TRIOBP: variants seen among roughly 807,000 people sequenced by gnomAD.
TRIOBP encodes the protein TRIO and F-actin-binding protein.
A neutral mutation model predicts 238.8 loss-of-function variants in TRIOBP; 169 were observed. The observed-to-expected ratio is 0.71, with a 90% CI of 0.62 to 0.80. The LOEUF is 0.80. Ranked by LOEUF, TRIOBP falls within the 30% of genes least tolerant of loss-of-function variation. The pLI is 0.00. For synonymous variants in TRIOBP, 1,150 were observed against 1,274.4 expected (o/e 0.90, Z 2.08); for missense variants, 2,838 against 3,122.6 (o/e 0.91, Z 2.17).
In TRIOBP at chr22:37,726,484, C is replaced by G; in HGVS notation, c.3928C>G (p.Leu1310Val). 6.5e-7 allele frequency: 1 copy of G among 1,532,608 alleles called. No homozygotes were observed. Among genetic ancestry groups the G allele is most frequent in the Non-Finnish European group, 8.7e-7 (1 of 1,145,414 alleles). 94.9% of individuals were successfully genotyped at this position (1,532,608 alleles called of 1,614,324 possible). The change falls in exon 7 of 24, where the codon CTC becomes GTC. Residue 1310 changes from leucine (L) to valine (V), a missense_variant. Leu to Val is a conservative substitution (Grantham distance 32). Coordinates refer to ENST00000644935, the MANE Select transcript of TRIOBP (RefSeq NM_001039141.3). ...HSPGRAEVER[L>V]FGQERRKSEA... ...CCCTGGCCGTGCAGAGGTGGAGCGC[C>G]TCTTCGGGCAAGAGCGCAGGTGAGC...
intron 10 of TRIOBP, among the ~76,000 whole-genome samples, chr22:37,739,542 C>G (rs994482997): frequency 1.1e-4 from 16 of 152,182 alleles, no homozygotes; most frequent in Non-Finnish European, 1.5e-5. Flanking sequence ...CCAGGTTATA[C>G]AGTCAGTGGC....
chr22:37,740,314 G>A (rs1190387345), intron 10 of TRIOBP, among the ~76,000 whole-genome samples: 1 of 152,210 alleles, frequency 6.6e-6, no homozygotes, highest in African/African-American at 2.4e-5. Context: ...TCCAAAGAGG[G>A]AGCATTTGGG....
At chr22:37,714,869 A>T (rs75608666) in intron 5 of TRIOBP, among the ~76,000 whole-genome samples, 1,803 of 152,020 alleles carry the variant, frequency 0.012, 36 homozygotes, top group African/African-American at 0.042. Flanking sequence ...TTTTGTAGAG[A>T]CAGGGTCTCA....
chr22:37,710,082 G>A (rs4821689), intron 3 of TRIOBP, among the ~76,000 whole-genome samples: 146,056 of 152,264 alleles, frequency 0.96, 70,071 homozygotes, highest in East Asian at 1. Flanking sequence ...TCATGCAAAC[G>A]TACAGATCGG....
rs772850046 is a variant in TRIOBP at position 37,710,510 on chromosome 22, C to T, written c.198C>T (p.Ala66=). The change falls in exon 4 of 24, where the codon GCC becomes GCT. Residue 66 remains alanine (A), a synonymous_variant. Coordinates refer to ENST00000644935, the MANE Select transcript of TRIOBP (RefSeq NM_001039141.3). The part of the protein sequence containing the change: ...CPPAPEDPLS[A]STSGCQSVVD... ...CTGCCCCTGAGGACCCACTCAGCGC[C>T]TCAACCTCCGGCTGCCAGTCTGTGG... The T allele has an allele frequency of 2.5e-6, 4 of 1,612,328 alleles. No individual in the cohort carries two copies. In the South Asian group the frequency reaches 3.3e-5, roughly 13 times the overall value.
Position 37,723,421 on chromosome 22 carries a change from A to G in TRIOBP, c.865A>G (p.Thr289Ala), listed in dbSNP as rs1923937320. The G allele has an allele frequency of 6.2e-7, 1 of 1,611,098 alleles. No individual in the cohort carries two copies. Among genetic ancestry groups the G allele is most frequent in the Non-Finnish European group, 8.5e-7 (1 of 1,179,114 alleles). The change falls in exon 7 of 24, where the codon ACC becomes GCC. Residue 289 changes from threonine to alanine, a missense_variant. Coordinates refer to ENST00000644935, the MANE Select transcript of TRIOBP (RefSeq NM_001039141.3). ...TCCCCATCGAATCACCCAAAGGGAC[A>G]CCTCCAGGGCCTCATCCACCCAACA... ...SSPHRITQRDTSRASSTQQEI... is the reference protein window; with the variant it reads ...SSPHRITQRDASRASSTQQEI...
rs544432120 is a variant in TRIOBP, at chr22:37,757,862, G to A, written c.5937G>A (p.Leu1979=). The A allele has an allele frequency of 4.5e-6, 7 of 1,552,392 alleles. No individual in the cohort carries two copies. The Admixed American group carries it at 9.7e-5, about 22-fold the overall frequency. ...AGCAGGAGGAGCTGGAGCGGGACCT[G>A]GCCCAGCGCTCCGAGGAGCGGCGCA... The part of the protein sequence containing the change: ...LAKQEELERD[L]AQRSEERRKW... The change falls in exon 16 of 24, where the codon CTG becomes CTA. Residue 1979 remains leucine (L), a synonymous_variant. Coordinates refer to ENST00000644935, the MANE Select transcript of TRIOBP (RefSeq NM_001039141.3).
chr22:37,701,729 ATTC>A (rs1922656931), intron 3 of TRIOBP, among the ~76,000 whole-genome samples: 1 of 152,224 alleles, frequency 6.6e-6, no homozygotes, highest in Admixed American at 6.5e-5. Flanking sequence ...TTACTTTGTT[ATTC>A]TTTAAATCAA....
At chr22:37,730,040 G>A (rs1178522231) in intron 7 of TRIOBP, among the ~76,000 whole-genome samples, 1 of 152,120 alleles carries the variant, frequency 6.6e-6, no homozygotes, top group Non-Finnish European at 1.5e-5. Context: ...GGGAGTTTTG[G>A]CTTGATCTTA....
At chr22:37,753,888 C>T (rs933017565) in intron 12 of TRIOBP, among the ~76,000 whole-genome samples, 25 of 152,112 alleles carry the variant, frequency 1.6e-4, no homozygotes, top group African/African-American at 5.6e-4. Flanking sequence ...GTGGGCGGGC[C>T]GCGACTGGCA....
intron 1 of TRIOBP, 99 bp from the exon 2 acceptor site, chr22:37,697,489 C>T (rs1225772745): frequency 6.6e-6 from 1 of 152,198 alleles, no homozygotes; most frequent in Non-Finnish European, 1.5e-5. Flanking sequence ...AGGACGACCG[C>T]CCGGGGAGGA....
chr22:37,730,721 T>C (rs12484134), intron 7 of TRIOBP, among the ~76,000 whole-genome samples: 36,921 of 151,916 alleles, frequency 0.24, 5,394 homozygotes, highest in South Asian at 0.41. Flanking sequence ...GCAGGTGGAT[T>C]ACCTGAGGTC....
chr22:37,725,114 G>A lies in TRIOBP; in HGVS notation c.2558G>A (p.Arg853His), dbSNP rs748338646. The A allele has an allele frequency of 5.9e-5, 96 of 1,613,890 alleles. No individual in the cohort carries two copies. The highest frequency in any genetic ancestry group is 7.9e-5 in the Non-Finnish European group (93 of 1,180,008). ...NLRPTCTQRD[R>H]TQSFSFQRDN... is the part of the protein sequence containing the mutation. ...AGACCCACTTGTACACAGCGGGACCGCACACAGTCCTTTTCCTTTCAACGA... is the reference window on the plus strand; with the variant it reads ...AGACCCACTTGTACACAGCGGGACCACACACAGTCCTTTTCCTTTCAACGA... The change falls in exon 7 of 24, where the codon CGC (arginine) becomes CAC (histidine). Residue 853 changes from arginine to histidine, a missense_variant. Physicochemically the swap from Arg to His is conservative, Grantham distance 29 (BLOSUM62 0). Coordinates refer to ENST00000644935, the MANE Select transcript of TRIOBP (RefSeq NM_001039141.3).
intron 21 of TRIOBP, among the ~76,000 whole-genome samples, chr22:37,769,782 G>A (rs532104685): frequency 1.3e-4 from 20 of 152,114 alleles, no homozygotes; most frequent in African/African-American, 4.8e-4. Flanking sequence ...AGGCTGGAGT[G>A]TAGTGACACG....
At position 37,724,524 on chromosome 22, in the gene TRIOBP, C is replaced by G; in HGVS notation, c.1968C>G (p.Asp656Glu). Residue 656 changes from aspartate to glutamate, a missense_variant, in exon 7 of 24, where the codon GAC becomes GAG. Asp to Glu is a conservative substitution (Grantham distance 45). This residue lies in a region of TRIOBP where 167 missense variants were observed against 200.2 expected (regional missense o/e 0.83). Coordinates refer to ENST00000644935, the MANE Select transcript of TRIOBP (RefSeq NM_001039141.3). Reference sequence around the variant, plus strand: ...CCAGAACATCCTGTGCCCGACGGGACGATCCCAGAGCCTCCTCTCCTAACA... The same window carrying G: ...CCAGAACATCCTGTGCCCGACGGGAGGATCCCAGAGCCTCCTCTCCTAACA... ...DSPRTSCARRDDPRASSPNRT... is the reference protein window; with the variant it reads ...DSPRTSCARREDPRASSPNRT... 1 of 1,601,684 alleles carries G rather than the reference C, an allele frequency of 6.2e-7. No individual in the cohort carries two copies. The highest frequency in any genetic ancestry group is 8.5e-7 in the Non-Finnish European group (1 of 1,173,648).
rs898100103 is a variant in TRIOBP at position 37,725,994 on chromosome 22, C to G, written c.3438C>G (p.Ser1146Arg). 4 of 1,609,960 alleles carry G rather than the reference C, an allele frequency of 2.5e-6. No individual in the cohort carries two copies. Residue 1146 changes from serine to arginine, a missense_variant, in exon 7 of 24, where the codon AGC (serine) becomes AGG (arginine). This residue lies in a region of TRIOBP where 2,096 missense variants were observed against 2,137.4 expected (regional missense o/e 0.98). Coordinates refer to ENST00000644935, the MANE Select transcript of TRIOBP (RefSeq NM_001039141.3). Reference sequence around the variant, plus strand: ...ACCTCCCCAGGGCCAGCACAGAGAGCCTTGTCCCTTCCATGGACTCTCTGC... The same window carrying G: ...ACCTCCCCAGGGCCAGCACAGAGAGGCTTGTCCCTTCCATGGACTCTCTGC... Reference protein sequence around the residue: ...FQDLPRASTESLVPSMDSLHE... With the variant: ...FQDLPRASTERLVPSMDSLHE...
rs1925830123 is a variant in TRIOBP, at chr22:37,754,886, C to A, written c.5389C>A (p.Pro1797Thr). The change falls in exon 13 of 24, where the codon CCC (proline) becomes ACC (threonine). Residue 1797 changes from proline to threonine, a missense_variant. Pro to Thr is a conservative substitution (Grantham distance 38). This residue lies in a region of TRIOBP where 2,096 missense variants were observed against 2,137.4 expected (regional missense o/e 0.98). Coordinates refer to ENST00000644935, the MANE Select transcript of TRIOBP (RefSeq NM_001039141.3). The stretch of plus-strand genomic sequence containing the variant: ...TCCATCCTCCTTGCAGCCTCCCTCC[C>A]CCTCGCTCACCACCACCTCTACTTC... ...ILDEPGEPPSPSLTTTSTSQW... is the reference protein window; with the variant it reads ...ILDEPGEPPSTSLTTTSTSQW... 4.3e-6 allele frequency: 7 copies of A among 1,614,140 alleles called. No individual in the cohort carries two copies. Among genetic ancestry groups the A allele is most frequent in the Non-Finnish European group, 5.9e-6 (7 of 1,180,020 alleles).
intron 11 of TRIOBP, chr22:37,746,258 G>T: frequency 1.8e-6 from 2 of 1,089,024 alleles, no homozygotes; most frequent in East Asian, 5.8e-5. Context: ...GGAAGGGGCC[G>T]GGGCAGCGTC....
In TRIOBP at chr22:37,725,591, C is replaced by T. The variant is rs758210705; in HGVS notation, c.3035C>T (p.Pro1012Leu). Residue 1012 changes from proline to leucine, a missense_variant, in exon 7 of 24, where the codon CCT (proline) becomes CTT (leucine). Pro to Leu is a moderately conservative substitution (Grantham distance 98). This residue lies in a region of TRIOBP where 2,096 missense variants were observed against 2,137.4 expected (regional missense o/e 0.98). Coordinates refer to ENST00000644935, the MANE Select transcript of TRIOBP (RefSeq NM_001039141.3). ...CTGACCTCTCCTGAGCCCTCCCAGC[C>T]TCCATGTGCTGTGTGCATTGGGCAC... Reference protein sequence around the residue: ...APLTSPEPSQPPCAVCIGHRD... With the variant: ...APLTSPEPSQLPCAVCIGHRD... The T allele has an allele frequency of 6.2e-7, 1 of 1,613,984 alleles. No homozygotes were observed. The highest frequency in any genetic ancestry group is 8.5e-7 in the Non-Finnish European group (1 of 1,179,990).
Sources: gnomAD v4.1 joint callset for allele counts (sites outside exome capture counted in the v4.1 genomes callset) on GRCh38, gnomAD v4.1.1 for gene constraint, gnomAD v4.1.1 regional missense constraint, MANE v1.5 for transcripts, NCBI Gene and HGNC (gene_info 2026-07-23, HGNC 2026-07-21) for gene names.